Variants in POLN observed in about 807,000 individuals in gnomAD.
POLN encodes the protein DNA polymerase N.
POLN carries 108 observed loss-of-function variants against 113.5 expected under a neutral mutation model. The observed-to-expected ratio is 0.95, with a 90% CI of 0.81 to 1.12. POLN has a LOEUF of 1.12. Among genes scored for constraint, POLN ranks in the 50% most tolerant of loss-of-function variants. The pLI is 0.00. For synonymous variants in POLN, 386 were observed against 391.5 expected (o/e 0.99, Z 0.17); for missense variants, 1,097 against 1,077.1 (o/e 1.02, Z -0.26).
Position 2,130,064 on chromosome 4 carries a change from G to C in POLN, c.1790-808C>G, listed in dbSNP as rs1201819354. On this transcript the variant is annotated intron_variant, in intron 17 of 25. Coordinates refer to ENST00000511885, the MANE Select transcript of POLN (RefSeq NM_181808.4). ...AGCCCAGGAGTTTGAGACCAGCCTG[G>C]GCAACATGGTGAAACCCTATCTCTA... is the stretch of plus-strand genomic sequence containing the variant. 2.0e-5 allele frequency among the ~76,000 whole-genome samples: 3 copies of C among 151,796 alleles called. No individual in the cohort carries two copies. In the East Asian group the frequency reaches 5.8e-4, roughly 29 times the overall value.
chr4:2,166,497 C>G (rs937200268), intron 13 of POLN, among the ~76,000 whole-genome samples: 1 of 152,064 alleles, frequency 6.6e-6, no homozygotes, highest in South Asian at 2.1e-4. Flanking sequence ...GATAATGAGA[C>G]AGCTGGTAAA....
intron 23 of POLN, among the ~76,000 whole-genome samples, chr4:2,077,702 AATTAC>A (rs1022298467): frequency 2.0e-5 from 3 of 152,236 alleles, no homozygotes; most frequent in African/African-American, 7.2e-5. Context: ...CACTTCTTGA[AATTAC>A]ATTGTGAAAT....
intron 13 of POLN, among the ~76,000 whole-genome samples, chr4:2,169,893 G>T (rs1049107161): frequency 5.3e-5 from 8 of 152,354 alleles, no homozygotes; most frequent in African/African-American, 1.9e-4. Flanking sequence ...TATTCACCCA[G>T]TAACTGTCCA....
At chr4:2,158,021 G>A (rs893361853) in intron 14 of POLN, 110 bp from the exon 15 acceptor site, 43 of 696,420 alleles carry the variant, frequency 6.2e-5, no homozygotes, top group South Asian at 4.3e-4. Context: ...GCGTGATCTC[G>A]GCTTGCCGCA....
intron 16 of POLN, among the ~76,000 whole-genome samples, chr4:2,144,128 T>G (rs551459927): frequency 2.0e-5 from 3 of 151,524 alleles, no homozygotes; most frequent in Non-Finnish European, 4.4e-5. Context: ...ACATATTCAC[T>G]GTTAAAAATT....
chr4:2,161,070 G>A (rs1732574473), intron 13 of POLN, among the ~76,000 whole-genome samples: 1 of 152,144 alleles, frequency 6.6e-6, no homozygotes, highest in African/African-American at 2.4e-5. Flanking sequence ...TGTCACCCAG[G>A]CTCGAGTGCA....
intron 19 of POLN, among the ~76,000 whole-genome samples, chr4:2,114,518 C>A (rs895695798): frequency 6.6e-6 from 1 of 152,178 alleles, no homozygotes; most frequent in African/African-American, 2.4e-5. Flanking sequence ...GTTCTATATT[C>A]TACATTCTCT....
chr4:2,089,778 G>GA, intron 20 of POLN: 1 of 742,826 alleles, frequency 1.3e-6, no homozygotes, highest in South Asian at 1.7e-5. Context: ...GTATTTCTTT[G>GA]AATGCAGAAT....
intron 16 of POLN, among the ~76,000 whole-genome samples, chr4:2,136,185 C>T (rs942825199): frequency 2.0e-5 from 3 of 152,180 alleles, no homozygotes; most frequent in East Asian, 1.9e-4. Context: ...CACACAGTAA[C>T]GCAATCATAC....
intron 7 of POLN, among the ~76,000 whole-genome samples, chr4:2,190,719 T>C (rs28821266): frequency 0.25 from 37,588 of 152,052 alleles, 7,189 homozygotes; most frequent in African/African-American, 0.52. Flanking sequence ...ATGATTTGAA[T>C]AGACATTTCT....
At chr4:2,164,442 C>T (rs13106122) in intron 13 of POLN, among the ~76,000 whole-genome samples, 110,947 of 146,074 alleles carry the variant, frequency 0.76, 44,303 homozygotes, top group Non-Finnish European at 0.89. Context: ...TGGAGGTTGC[C>T]GTGAGTTGCT....
intron 3 of POLN, chr4:2,227,734 G>C (rs1004098324): frequency 6.6e-6 from 1 of 152,088 alleles, no homozygotes; most frequent in Admixed American, 6.5e-5. Context: ...ATGTATTTTA[G>C]AACAACAATA....
At position 2,088,760 on chromosome 4, in the gene POLN, G is replaced by A; in HGVS notation, c.2066-3016C>T. On this transcript the variant is annotated intron_variant, in intron 20 of 25. Coordinates refer to ENST00000511885, the MANE Select transcript of POLN (RefSeq NM_181808.4). ...TTTATTAGCTTTTACAATGTCATCA[G>A]GTGATGCTGATTTGAAGTCAAATGG... The A allele has an allele frequency of 3.1e-6, 4 of 1,282,988 alleles. No homozygotes were observed. The South Asian group carries it at 5.9e-5, about 19-fold the overall frequency. The allele number at this position is 1,282,988 out of a possible 1,614,324, so 79.5% of individuals were successfully genotyped here. A position where few individuals can be genotyped will look rare whatever the true frequency, so the allele number is the denominator to read the frequency against.
At chr4:2,175,084 G>C (rs1023753613) in intron 9 of POLN, among the ~76,000 whole-genome samples, 1 of 151,934 alleles carries the variant, frequency 6.6e-6, no homozygotes, top group Admixed American at 6.6e-5. Context: ...TTGGCCTCCC[G>C]AAGTGCTGGG....
chr4:2,204,093 G>A (rs1210483750), intron 5 of POLN, among the ~76,000 whole-genome samples: 1 of 44,696 alleles, frequency 2.2e-5, no homozygotes, highest in Non-Finnish European at 3.9e-5. Flanking sequence ...TGGGTAACAA[G>A]AGCAAAACTC....
At chr4:2,180,078 G>T (rs756576470) in intron 7 of POLN, among the ~76,000 whole-genome samples, 2 of 152,226 alleles carry the variant, frequency 1.3e-5, no homozygotes, top group Non-Finnish European at 2.9e-5. Context: ...CTTTGGTACT[G>T]TGGAAGGAAC....
At chr4:2,121,187 C>T (rs1296667421) in intron 19 of POLN, among the ~76,000 whole-genome samples, 1 of 152,058 alleles carries the variant, frequency 6.6e-6, no homozygotes, top group Admixed American at 6.6e-5. Flanking sequence ...GTAATCCTAG[C>T]ACTCTGGGAG....
At chr4:2,096,423 T>C (rs1390243480) in intron 19 of POLN, among the ~76,000 whole-genome samples, 1 of 151,934 alleles carries the variant, frequency 6.6e-6, no homozygotes. Context: ...TCAGATAGAA[T>C]AAGGATCAAC....
chr4:2,200,669 G>A (rs1374371592), intron 5 of POLN, among the ~76,000 whole-genome samples: 1 of 152,094 alleles, frequency 6.6e-6, no homozygotes, highest in African/African-American at 2.4e-5. Context: ...AATGGGGAGA[G>A]GACTACATCA....
Sources: gnomAD v4.1 joint callset for allele counts (sites outside exome capture counted in the v4.1 genomes callset) on GRCh38, gnomAD v4.1.1 for gene constraint, MANE v1.5 for transcripts, NCBI Gene and HGNC (gene_info 2026-07-23, HGNC 2026-07-21) for gene names.